Variants in SYT1 observed in about 807,000 individuals in gnomAD.
SYT1 encodes synaptotagmin 1.
A neutral mutation model predicts 44.8 loss-of-function variants in SYT1; 8 were observed. That is an observed-to-expected ratio of 0.18 (90% CI 0.10 to 0.32). The LOEUF (loss-of-function observed/expected upper bound fraction) is 0.32. SYT1 is among the 10% of genes least tolerant of loss of function. The pLI is 1.00. For missense variants in SYT1, 286 were observed against 509.3 expected, an observed-to-expected ratio of 0.56 and a Z score of 4.22; for synonymous variants, 154 against 188.8, an observed-to-expected ratio of 0.82 and a Z score of 1.51.
At chr12:79,275,762 T>C (rs1431517723) in intron 4 of SYT1, among the ~76,000 whole-genome samples, 1 of 152,162 alleles carries the variant, frequency 6.6e-6, no homozygotes, top group Admixed American at 6.5e-5. Context: ...TGGCTTCTAC[T>C]GGCCTGAAGG....
At chr12:79,331,093 T>C (rs1029668449) in intron 8 of SYT1, among the ~76,000 whole-genome samples, 3 of 152,160 alleles carry the variant, frequency 2.0e-5, no homozygotes, top group Non-Finnish European at 2.9e-5. Flanking sequence ...TCACATGCAA[T>C]TGAGAAGTGT....
chr12:79,358,442 T>G (rs990231437), intron 9 of SYT1, among the ~76,000 whole-genome samples: 7 of 152,328 alleles, frequency 4.6e-5, no homozygotes, highest in African/African-American at 1.4e-4. Flanking sequence ...GTTCTCATGA[T>G]AGCCCTGTGA....
intron 1 of SYT1, among the ~76,000 whole-genome samples, chr12:78,953,247 A>C (rs1211089704): frequency 6.6e-6 from 1 of 152,030 alleles, no homozygotes; most frequent in Non-Finnish European, 1.5e-5. Flanking sequence ...GGAATGAATG[A>C]TATAGGGAAG....
intron 8 of SYT1, among the ~76,000 whole-genome samples, chr12:79,306,487 G>A (rs1466665958): frequency 4.6e-5 from 7 of 152,192 alleles, no homozygotes; most frequent in African/African-American, 1.7e-4. Context: ...TGTAATTACT[G>A]TGGGAAAGTG....
intron 4 of SYT1, among the ~76,000 whole-genome samples, chr12:79,278,279 A>G (rs1565887561): frequency 6.6e-6 from 1 of 152,172 alleles, no homozygotes; most frequent in Non-Finnish European, 1.5e-5. Context: ...ACAAGTCTCA[A>G]TAAATTTTTA....
chr12:79,268,746 G>T (rs566146695), intron 4 of SYT1, among the ~76,000 whole-genome samples: 1 of 152,340 alleles, frequency 6.6e-6, no homozygotes, highest in South Asian at 2.1e-4. Flanking sequence ...AGACAATTCT[G>T]AAGGCTATTT....
chr12:79,327,995 T>A (rs1279001202), intron 8 of SYT1, among the ~76,000 whole-genome samples: 2 of 151,688 alleles, frequency 1.3e-5, no homozygotes, highest in East Asian at 1.9e-4. Flanking sequence ...AAGGTGGGAG[T>A]TAACATTTTA....
rs181387113 is a variant in SYT1 at position 78,881,863 on chromosome 12, T to C, written c.-217+16754T>C. Among the ~76,000 whole-genome samples the C allele has an allele frequency of 5.9e-4, 90 of 151,744 alleles. 1 individual carries two copies. In the East Asian group the frequency reaches 0.01, roughly 17 times the overall value. ...TTTGACAAGAGAAATGTTAAGATGA[T>C]TTTTTTGGCTTGCTAAACTTGACTC... On this transcript the variant is annotated intron_variant, in intron 1 of 10. Coordinates refer to ENST00000261205, the MANE Select transcript of SYT1 (RefSeq NM_005639.3).
chr12:78,866,606 G>C (rs1275262733), intron 1 of SYT1, among the ~76,000 whole-genome samples: 2 of 152,036 alleles, frequency 1.3e-5, no homozygotes, highest in East Asian at 3.9e-4. Flanking sequence ...TTATTCTTCA[G>C]GGACAGCTAA....
chr12:78,983,912 T>C (rs1869448509), intron 2 of SYT1, among the ~76,000 whole-genome samples: 1 of 152,016 alleles, frequency 6.6e-6, no homozygotes, highest in South Asian at 2.1e-4. Flanking sequence ...TTTCAAAAAT[T>C]TGATACATAA....
chr12:79,340,435 G>T (rs1882314147), intron 8 of SYT1, among the ~76,000 whole-genome samples: 1 of 152,230 alleles, frequency 6.6e-6, no homozygotes, highest in Middle Eastern at 3.4e-3. Context: ...TGTGGTAATT[G>T]TGAATGGGAG....
At chr12:79,100,318 C>T (rs770348119) in intron 3 of SYT1, among the ~76,000 whole-genome samples, 3 of 152,132 alleles carry the variant, frequency 2.0e-5, no homozygotes, top group Non-Finnish European at 4.4e-5. Context: ...CTCATGCAAT[C>T]TAGCTCCCAA....
chr12:79,059,174 C>T (rs1875188258), intron 3 of SYT1, among the ~76,000 whole-genome samples: 1 of 152,008 alleles, frequency 6.6e-6, no homozygotes, highest in East Asian at 1.9e-4. Flanking sequence ...GACTTATTCA[C>T]TGTCACGAGA....
chr12:78,942,233 A>C (rs1319555606), intron 1 of SYT1, among the ~76,000 whole-genome samples: 1 of 152,228 alleles, frequency 6.6e-6, no homozygotes, highest in Non-Finnish European at 1.5e-5. Context: ...TGAATCCTCC[A>C]AAACAACACA....
In SYT1 at chr12:79,002,399, C is replaced by T. The variant is rs557878873; in HGVS notation, c.-84+24468C>T. Among the ~76,000 whole-genome samples, 13 of 152,110 alleles carry T rather than the reference C, an allele frequency of 8.5e-5. No individual in the cohort carries two copies. The East Asian group carries it at 1.5e-3, about 18-fold the overall frequency. On this transcript the variant is annotated intron_variant, in intron 2 of 10. Transcript: ENST00000261205. ...ATTTCCTCAGTAGGAGGAATAACAGCGCACTTGTGATTTCAACATGAAATA... is the reference window on the plus strand; with the variant it reads ...ATTTCCTCAGTAGGAGGAATAACAGTGCACTTGTGATTTCAACATGAAATA...
intron 10 of SYT1, among the ~76,000 whole-genome samples, chr12:79,447,703 T>C (rs1870814763): frequency 6.6e-6 from 1 of 152,176 alleles, no homozygotes; most frequent in Non-Finnish European, 1.5e-5. Context: ...GATAGTTAAT[T>C]CCTTTCACAA....
At chr12:79,296,944 G>A (rs1054083253) in intron 7 of SYT1, among the ~76,000 whole-genome samples, 1 of 152,018 alleles carries the variant, frequency 6.6e-6, no homozygotes, top group Non-Finnish European at 1.5e-5. Context: ...TATCTTTAAC[G>A]TGCGAAAAAA....
At chr12:79,413,670 C>G (rs1194084791) in intron 9 of SYT1, among the ~76,000 whole-genome samples, 1 of 152,116 alleles carries the variant, frequency 6.6e-6, no homozygotes, top group Non-Finnish European at 1.5e-5. Context: ...ATAAAATACT[C>G]TGGAGTAGTT....
intron 3 of SYT1, among the ~76,000 whole-genome samples, chr12:79,061,404 G>T (rs1875374178): frequency 6.6e-6 from 1 of 152,014 alleles, no homozygotes; most frequent in African/African-American, 2.4e-5. Flanking sequence ...TTTTACAAAT[G>T]AGGAAGGAGA....
Sources: allele counts gnomAD v4.1 joint callset (sites outside exome capture counted in the v4.1 genomes callset), GRCh38; gene constraint gnomAD v4.1.1; transcripts MANE v1.5; gene names NCBI Gene and HGNC (gene_info 2026-07-23, HGNC 2026-07-21).